The following SCN8A variants were observed in gnomAD, a reference collection of about 807,000 sequenced individuals.
SCN8A encodes sodium voltage-gated channel alpha subunit 8.
Under a neutral mutation model 184.1 loss-of-function variants are expected in SCN8A, and 30 were observed. That is an observed-to-expected ratio of 0.16 (90% CI 0.12 to 0.22). The LOEUF (loss-of-function observed/expected upper bound fraction) is 0.22, where lower values mean the gene tolerates loss of function less well. Ranked by LOEUF, SCN8A falls within the 10% of genes least tolerant of loss-of-function variation. The probability of loss-of-function intolerance (pLI) is 1.00; values close to 1 mark genes in which losing one functional copy is unlikely to be tolerated. For missense variants in SCN8A, 1,057 were observed against 2,498.9 expected, an observed-to-expected ratio of 0.42 and a Z score of 12.30; for synonymous variants, 852 against 907.0, an observed-to-expected ratio of 0.94 and a Z score of 1.09.
chr12:51,657,564 C>A (rs1940846832), intron 1 of SCN8A, among the ~76,000 whole-genome samples: 1 of 152,044 alleles, frequency 6.6e-6, no homozygotes, highest in South Asian at 2.1e-4. Flanking sequence ...TATTTTCTCC[C>A]ATTCTACTGG....
In SCN8A at chr12:51,723,434, A is replaced by G. The variant is rs114262966; in HGVS notation, c.1998+1526A>G. Among the ~76,000 whole-genome samples the G allele has an allele frequency of 4.4e-3, 671 of 152,322 alleles. 6 individuals carry two copies. The highest frequency in any genetic ancestry group is 0.015 in the African/African-American group (639 of 41,578). Reference sequence around the variant, plus strand: ...ATGAGCCCAAGAGTTTAAGGCTACAATGAGCTATGATCACTACATTTCAGC... The same window carrying G: ...ATGAGCCCAAGAGTTTAAGGCTACAGTGAGCTATGATCACTACATTTCAGC... On this transcript the variant is annotated intron_variant, in intron 12 of 26. Transcript: ENST00000627620.
intron 1 of SCN8A, among the ~76,000 whole-genome samples, chr12:51,629,431 C>T (rs976995659): frequency 6.6e-6 from 1 of 152,106 alleles, no homozygotes; most frequent in South Asian, 2.1e-4. Flanking sequence ...CAAGTTGTGA[C>T]ACTCAAAAAT....
chr12:51,715,698 T>C (rs1158664008), intron 11 of SCN8A, among the ~76,000 whole-genome samples: 1 of 150,722 alleles, frequency 6.6e-6, no homozygotes, highest in African/African-American at 2.4e-5. Context: ...TAAAATTAAA[T>C]TTTATTGTAA....
At chr12:51,662,189 C>T (rs959247025) in intron 1 of SCN8A, among the ~76,000 whole-genome samples, 3 of 152,202 alleles carry the variant, frequency 2.0e-5, no homozygotes, top group Non-Finnish European at 4.4e-5. Flanking sequence ...GGATTTTACA[C>T]AACTTGATGA....
chr12:51,688,627 T>C (rs1941457882), intron 5 of SCN8A: 1 of 662,282 alleles, frequency 1.5e-6, no homozygotes, highest in African/African-American at 1.8e-5. Flanking sequence ...TAAATGTTTG[T>C]ATTTTGAAGC....
chr12:51,805,065 A>G (rs142237902), intron 26 of SCN8A, among the ~76,000 whole-genome samples: 104 of 152,260 alleles, frequency 6.8e-4, no homozygotes, highest in African/African-American at 2.4e-3. Flanking sequence ...TGTGGAGAGT[A>G]TCAGTATCAT....
chr12:51,794,617 G>A lies in SCN8A; in HGVS notation c.4771G>A (p.Val1591Met), dbSNP rs1565929209. 4 of 1,613,918 alleles carry A rather than the reference G, an allele frequency of 2.5e-6. No homozygotes were observed. The highest frequency in any genetic ancestry group is 3.4e-6 in the Non-Finnish European group (4 of 1,179,876). The change falls in exon 26 of 27, where the codon GTG becomes ATG. Residue 1591 changes from valine to methionine, a missense_variant. Physicochemically the swap from Val to Met is conservative, Grantham distance 21 (BLOSUM62 1). Transcript: ENST00000627620. ...FTIGWNIFDF[V>M]VVILSIVGMF... ...CATTGGCTGGAACATCTTCGACTTCGTGGTAGTCATCCTCTCCATTGTGGG... is the reference window on the plus strand; with the variant it reads ...CATTGGCTGGAACATCTTCGACTTCATGGTAGTCATCCTCTCCATTGTGGG...
chr12:51,677,570 C>T (rs1472109764), intron 2 of SCN8A, among the ~76,000 whole-genome samples: 1 of 152,100 alleles, frequency 6.6e-6, no homozygotes, highest in East Asian at 1.9e-4. Flanking sequence ...TCTACCTGGC[C>T]TTGCACGGTG....
At chr12:51,600,005 G>C (rs1209766716) in intron 1 of SCN8A, among the ~76,000 whole-genome samples, 1 of 152,272 alleles carries the variant, frequency 6.6e-6, no homozygotes, top group South Asian at 2.1e-4. Flanking sequence ...GTAATCCATG[G>C]TAGTCTGGTC....
intron 25 of SCN8A, among the ~76,000 whole-genome samples, chr12:51,791,439 C>T (rs1007378545): frequency 3.3e-5 from 5 of 152,058 alleles, no homozygotes; most frequent in Admixed American, 2.0e-4. Context: ...TTAAAGTAAT[C>T]CTGGAAATAA....
intron 12 of SCN8A, among the ~76,000 whole-genome samples, chr12:51,739,945 T>C (rs1384749143): frequency 6.6e-6 from 1 of 152,262 alleles, no homozygotes; most frequent in Admixed American, 6.5e-5. Flanking sequence ...GCATTGTTTC[T>C]ATAGATATTA....
intron 13 of SCN8A, 142 bp from the exon 14 acceptor site, chr12:51,751,212 GA>G: frequency 1.6e-6 from 1 of 632,350 alleles, no homozygotes; most frequent in East Asian, 2.7e-5. Context: ...ACCTTAGAGA[GA>G]AGGAAAACAC....
Position 51,726,260 on chromosome 12 carries a change from C to A in SCN8A, c.1998+4352C>A, listed in dbSNP as rs115335145. ...CTGGGAAAGTAGGTGAGAATCATTT[C>A]TCTTCACTCATTGCCACTAGCAATC... On this transcript the variant is annotated intron_variant, in intron 12 of 26. Transcript: ENST00000627620. Among the ~76,000 whole-genome samples, 1,192 of 152,310 alleles carry A rather than the reference C, an allele frequency of 7.8e-3. 16 individuals are homozygous for A. The highest frequency in any genetic ancestry group is 0.027 in the African/African-American group (1,120 of 41,562).
chr12:51,725,322 T>C (rs1942140300), intron 12 of SCN8A, among the ~76,000 whole-genome samples: 1 of 152,170 alleles, frequency 6.6e-6, no homozygotes, highest in South Asian at 2.1e-4. Flanking sequence ...TACCAAATTA[T>C]ATAAAGACAA....
intron 14 of SCN8A, among the ~76,000 whole-genome samples, chr12:51,762,137 T>C (rs1942772081): frequency 6.6e-6 from 1 of 152,224 alleles, no homozygotes; most frequent in Non-Finnish European, 1.5e-5. Context: ...AGTGATTTTT[T>C]TAAGCAAACA....
chr12:51,663,903 ATTTTTTTTTTTT>A (rs796653928), intron 2 of SCN8A, among the ~76,000 whole-genome samples: 1 of 69,804 alleles, frequency 1.4e-5, no homozygotes, highest in Non-Finnish European at 2.7e-5. Context: ...CATTTGACAG[ATTTTTTTTTTTT>A]TTTTTTTTTT....
rs562980781 is a variant in SCN8A at position 51,781,645 on chromosome 12, TGCACGCGCAC to T, written c.3942+885_3942+894del. On this transcript the variant is annotated intron_variant, in intron 21 of 26. Transcript: ENST00000627620. The stretch of plus-strand genomic sequence containing the variant: ...TTAAACAATTGTGCGTGTGCGTGCG[TGCACGCGCAC>T]GCACGCGCACACACACACACTAAAA... Among the ~76,000 whole-genome samples, 445 of 152,228 alleles carry T rather than the reference TGCACGCGCAC, an allele frequency of 2.9e-3. 1 individual carries two copies. The highest frequency in any genetic ancestry group is 1.0e-2 in the African/African-American group (415 of 41,548).
intron 1 of SCN8A, among the ~76,000 whole-genome samples, chr12:51,604,643 T>C (rs1335703233): frequency 6.6e-6 from 1 of 152,168 alleles, no homozygotes; most frequent in Non-Finnish European, 1.5e-5. Context: ...TTCTCCTGCC[T>C]CAGCCTCAGA....
Position 51,802,072 on chromosome 12 carries a change from AG to A in SCN8A, c.4796-4209del, listed in dbSNP as rs528006257. Reference sequence around the variant, plus strand: ...TCTGTCTCAAAAAAAAAGAAACTCAAGCAGTTCTTTTGGAGTGTAGCTCATC... The same window carrying A: ...TCTGTCTCAAAAAAAAAGAAACTCAACAGTTCTTTTGGAGTGTAGCTCATC... On this transcript the variant is annotated intron_variant, in intron 26 of 26. Transcript: ENST00000627620. Among the ~76,000 whole-genome samples, 64 of 152,224 alleles carry A rather than the reference AG, an allele frequency of 4.2e-4. 1 individual carries two copies. Among genetic ancestry groups the A allele is most frequent in the Admixed American group, 3.6e-3 (55 of 15,292 alleles).
Sources: gnomAD v4.1 joint callset for allele counts (sites outside exome capture counted in the v4.1 genomes callset) on GRCh38, gnomAD v4.1.1 for gene constraint, MANE v1.5 for transcripts, NCBI Gene and HGNC (gene_info 2026-07-23, HGNC 2026-07-21) for gene names.